TACR1: variants seen among roughly 807,000 people sequenced by gnomAD.
The protein encoded by TACR1 is tachykinin receptor 1, also known as substance-P receptor.
Under a neutral mutation model 35.8 loss-of-function variants are expected in TACR1, and 25 were observed. That is an observed-to-expected ratio of 0.70 (90% CI 0.51 to 0.98). The LOEUF (loss-of-function observed/expected upper bound fraction) is 0.98, where lower values mean the gene tolerates loss of function less well. TACR1 is among the 50% of genes least tolerant of loss of function. The probability of loss-of-function intolerance (pLI) is 0.00; values close to 1 mark genes in which losing one functional copy is unlikely to be tolerated. For missense variants in TACR1, 478 were observed against 522.9 expected, an observed-to-expected ratio of 0.91 and a Z score of 0.84; for synonymous variants, 195 against 206.7, an observed-to-expected ratio of 0.94 and a Z score of 0.48.
intron 4 of TACR1, among the ~76,000 whole-genome samples, chr2:75,049,989 G>A (rs1672436445): frequency 1.3e-5 from 2 of 152,200 alleles, no homozygotes; most frequent in Non-Finnish European, 2.9e-5. Flanking sequence ...CCTGAACTAT[G>A]CTGTCTCCCC....
At chr2:75,101,200 C>T (rs1377854064) in intron 2 of TACR1, among the ~76,000 whole-genome samples, 1 of 152,054 alleles carries the variant, frequency 6.6e-6, no homozygotes, top group Non-Finnish European at 1.5e-5. Flanking sequence ...GTGAGATTCT[C>T]AGCAATCCTA....
intron 1 of TACR1, among the ~76,000 whole-genome samples, chr2:75,142,161 A>G (rs1674420033): frequency 6.6e-6 from 1 of 152,152 alleles, no homozygotes; most frequent in African/African-American, 2.4e-5. Context: ...TCAATCCTAG[A>G]GCCTCCAGCC....
chr2:75,155,705 A>T (rs887314531), intron 1 of TACR1, among the ~76,000 whole-genome samples: 4 of 152,272 alleles, frequency 2.6e-5, no homozygotes, highest in African/African-American at 9.6e-5. Context: ...TCATATCCAC[A>T]TAACAAGAGA....
At chr2:75,105,623 G>A (rs1426227082) in intron 2 of TACR1, among the ~76,000 whole-genome samples, 1 of 151,764 alleles carries the variant, frequency 6.6e-6, no homozygotes, top group Non-Finnish European at 1.5e-5. Flanking sequence ...CATATTGTAC[G>A]CCGTAAATGC....
At chr2:75,170,038 A>G (rs946970012) in intron 1 of TACR1, among the ~76,000 whole-genome samples, 2 of 151,892 alleles carry the variant, frequency 1.3e-5, no homozygotes, top group African/African-American at 4.8e-5. Context: ...TTTTCTTATC[A>G]TCTGACTTTT....
At chr2:75,197,199 C>CAT (rs2103641301) in intron 1 of TACR1, among the ~76,000 whole-genome samples, 1 of 152,220 alleles carries the variant, frequency 6.6e-6, no homozygotes, top group East Asian at 1.9e-4. Context: ...ATAGGAGCTG[C>CAT]ATATAGAGAG....
At chr2:75,085,292 A>G (rs1001769663) in intron 2 of TACR1, among the ~76,000 whole-genome samples, 5 of 151,746 alleles carry the variant, frequency 3.3e-5, no homozygotes, top group Non-Finnish European at 5.9e-5. Flanking sequence ...ACCCTCCATG[A>G]TCTCCTAAAA....
chr2:75,150,935 C>G (rs1674656012), intron 1 of TACR1, among the ~76,000 whole-genome samples: 1 of 152,180 alleles, frequency 6.6e-6, no homozygotes, highest in South Asian at 2.1e-4. Context: ...GCAAAGGTGA[C>G]TCTTGTTATG....
At chr2:75,060,156 TCA>T (rs1032564893) in intron 2 of TACR1, among the ~76,000 whole-genome samples, 1 of 152,156 alleles carries the variant, frequency 6.6e-6, no homozygotes, top group African/African-American at 2.4e-5. Flanking sequence ...CTTCCGGAGC[TCA>T]CAGTCTGCAG....
chr2:75,124,701 TG>T (rs760764181), intron 1 of TACR1, among the ~76,000 whole-genome samples: 51 of 152,336 alleles, frequency 3.3e-4, no homozygotes, highest in Non-Finnish European at 4.9e-4. Context: ...AAGAAACTAT[TG>T]GGCATGGCTG....
At chr2:75,096,495 T>A (rs1329722546) in intron 2 of TACR1, among the ~76,000 whole-genome samples, 7 of 152,338 alleles carry the variant, frequency 4.6e-5, no homozygotes, top group Middle Eastern at 3.4e-3. Flanking sequence ...AATTTCTTGA[T>A]CACTTTGTGT....
intron 3 of TACR1, 30 bp from the exon 4 acceptor site, chr2:75,051,477 C>T (rs376357773): frequency 6.2e-7 from 1 of 1,612,048 alleles, no homozygotes; most frequent in Admixed American, 1.7e-5. Flanking sequence ...GGTGAGACCA[C>T]CAGCACATCC....
chr2:75,156,546 T>A (rs1674861082), intron 1 of TACR1, among the ~76,000 whole-genome samples: 1 of 141,956 alleles, frequency 7.0e-6, no homozygotes, highest in Non-Finnish European at 1.5e-5. Flanking sequence ...GAGCTTGCAG[T>A]GAGTGGAGAT....
intron 1 of TACR1, among the ~76,000 whole-genome samples, chr2:75,161,683 T>C (rs1442145741): frequency 6.6e-6 from 1 of 151,948 alleles, no homozygotes; most frequent in Admixed American, 6.6e-5. Context: ...TCACCTAAAA[T>C]AGAAGCAGAA....
intron 2 of TACR1, among the ~76,000 whole-genome samples, chr2:75,089,114 G>A (rs1673248067): frequency 6.6e-6 from 1 of 152,178 alleles, no homozygotes; most frequent in African/African-American, 2.4e-5. Context: ...TAGAACACAG[G>A]GCTGCAAGGC....
intron 1 of TACR1, among the ~76,000 whole-genome samples, chr2:75,161,249 T>C (rs1201489480): frequency 6.6e-6 from 1 of 152,124 alleles, no homozygotes; most frequent in Non-Finnish European, 1.5e-5. Context: ...ACTAAAAGAA[T>C]TATGGCAAAT....
Position 75,183,321 on chromosome 2 carries a change from GA to G in TACR1, c.389+15224del, listed in dbSNP as rs1316346622. Among the ~76,000 whole-genome samples, 5 of 152,106 alleles carry G rather than the reference GA, an allele frequency of 3.3e-5. No homozygotes were observed. In the South Asian group the frequency reaches 1.0e-3, roughly 32 times the overall value. ...ATAGTTTATGGGAAGGGAGGGCCTC[GA>G]AAAAATGAAACTTAGTGTTTTAAAA... On this transcript the variant is annotated intron_variant, in intron 1 of 4. Coordinates refer to ENST00000305249, the MANE Select transcript of TACR1 (RefSeq NM_001058.4).
intron 1 of TACR1, among the ~76,000 whole-genome samples, chr2:75,137,792 T>C (rs1250159486): frequency 1.4e-5 from 2 of 145,018 alleles, no homozygotes; most frequent in Non-Finnish European, 3.0e-5. Context: ...CCAGGAAGAC[T>C]CTTTGGCCCC....
chr2:75,141,091 G>T (rs1459460901), intron 1 of TACR1, among the ~76,000 whole-genome samples: 1 of 152,088 alleles, frequency 6.6e-6, no homozygotes, highest in African/African-American at 2.4e-5. Context: ...CCTCAGGAAG[G>T]TCTCATTGGG....
Sources: allele counts gnomAD v4.1 joint callset (sites outside exome capture counted in the v4.1 genomes callset), GRCh38; gene constraint gnomAD v4.1.1; transcripts MANE v1.5; gene names NCBI Gene and HGNC (gene_info 2026-07-23, HGNC 2026-07-21).